The following BTC variants were observed in gnomAD, a reference collection of about 807,000 sequenced individuals.
The protein encoded by BTC is probetacellulin.
A neutral mutation model predicts 18.1 loss-of-function variants in BTC; 13 were observed. The ratio of observed to expected loss-of-function variants is 0.72; its 90% CI spans 0.47 to 1.14. The LOEUF is 1.14. BTC is among the 50% of genes most tolerant of loss of function. BTC has a pLI of 0.00. For synonymous variants in BTC, 83 were observed against 79.4 expected, an observed-to-expected ratio of 1.05 and a Z score of -0.24; for missense variants, 247 against 224.2, an observed-to-expected ratio of 1.10 and a Z score of -0.65.
chr4:74,773,599 G>A lies in BTC; in HGVS notation c.65-3443C>T, dbSNP rs116014965. On this transcript the variant is annotated intron_variant, in intron 1 of 5. Coordinates refer to ENST00000395743, the MANE Select transcript of BTC (RefSeq NM_001729.4). ...ATTAACCTTAAGGAGATCACATTCT[G>A]GTAAGATAGACACAAACTTTTTTTT... Among the ~76,000 whole-genome samples, 1,208 of 149,360 alleles carry A rather than the reference G, an allele frequency of 8.1e-3. 10 individuals carry two copies. Among genetic ancestry groups the A allele is most frequent in the Non-Finnish European group, 0.013 (866 of 67,714 alleles).
At chr4:74,774,675 C>T (rs1331367889) in intron 1 of BTC, among the ~76,000 whole-genome samples, 1 of 150,274 alleles carries the variant, frequency 6.7e-6, no homozygotes, top group Non-Finnish European at 1.5e-5. Context: ...ACTTTTCCTG[C>T]TTGTTTGGAG....
chr4:74,750,973 C>T (rs868907250), intron 3 of BTC, among the ~76,000 whole-genome samples: 1 of 152,010 alleles, frequency 6.6e-6, no homozygotes, highest in Non-Finnish European at 1.5e-5. Context: ...TGACAATTAA[C>T]TAAAATGTAT....
At chr4:74,749,037 T>C (rs1165755853) in intron 4 of BTC, among the ~76,000 whole-genome samples, 3 of 152,212 alleles carry the variant, frequency 2.0e-5, no homozygotes, top group African/African-American at 7.2e-5. Context: ...GACAGATTAT[T>C]TGGTTTAACA....
chr4:74,748,622 T>C (rs908423423), intron 4 of BTC, among the ~76,000 whole-genome samples: 11 of 152,164 alleles, frequency 7.2e-5, no homozygotes, highest in African/African-American at 2.7e-4. Flanking sequence ...GTGGGTAGAA[T>C]ATAGTTATCT....
chr4:74,763,791 T>G (rs1228239877), intron 2 of BTC, among the ~76,000 whole-genome samples: 1 of 152,092 alleles, frequency 6.6e-6, no homozygotes, highest in African/African-American at 2.4e-5. Context: ...TCTAACACTG[T>G]AGGGTAACTA....
intron 2 of BTC, among the ~76,000 whole-genome samples, chr4:74,757,894 C>T (rs1417999328): frequency 1.3e-5 from 2 of 152,120 alleles, no homozygotes; most frequent in Admixed American, 1.3e-4. Context: ...CATTGAAGGT[C>T]TGTTGAGAGG....
intron 1 of BTC, among the ~76,000 whole-genome samples, chr4:74,781,848 C>A (rs1191866309): frequency 6.6e-6 from 1 of 152,078 alleles, no homozygotes; most frequent in Non-Finnish European, 1.5e-5. Context: ...AAACTCTATA[C>A]CCATTAAACA....
intron 1 of BTC, among the ~76,000 whole-genome samples, chr4:74,778,760 A>G (rs1725242584): frequency 6.6e-6 from 1 of 152,152 alleles, no homozygotes; most frequent in Non-Finnish European, 1.5e-5. Context: ...GCCCTGGGAC[A>G]TGGTGTTTTA....
chr4:74,792,950 T>A (rs1725673362), intron 1 of BTC, among the ~76,000 whole-genome samples: 2 of 152,240 alleles, frequency 1.3e-5, no homozygotes. Flanking sequence ...AGGAATCTCA[T>A]GAGCCCTTTC....
chr4:74,777,038 T>A (rs1367558378), intron 1 of BTC, among the ~76,000 whole-genome samples: 1 of 152,156 alleles, frequency 6.6e-6, no homozygotes, highest in African/African-American at 2.4e-5. Flanking sequence ...ATTAGAAGAA[T>A]ATTTCATTGT....
intron 1 of BTC, among the ~76,000 whole-genome samples, chr4:74,790,487 G>A (rs549974882): frequency 4.6e-5 from 7 of 152,238 alleles, no homozygotes; most frequent in African/African-American, 1.7e-4. Context: ...GAGTTTACAG[G>A]CTTGACCACT....
At chr4:74,773,438 A>G (rs893615015) in intron 1 of BTC, among the ~76,000 whole-genome samples, 4 of 152,100 alleles carry the variant, frequency 2.6e-5, no homozygotes, top group Admixed American at 6.5e-5. Flanking sequence ...ACTATCTACT[A>G]AACAATAAAG....
chr4:74,783,853 T>C (rs1725404257), intron 1 of BTC, among the ~76,000 whole-genome samples: 1 of 152,136 alleles, frequency 6.6e-6, no homozygotes, highest in African/African-American at 2.4e-5. Flanking sequence ...GCTATATTTC[T>C]AGGTATTTTA....
intron 1 of BTC, among the ~76,000 whole-genome samples, chr4:74,792,800 G>A (rs1725668579): frequency 6.6e-6 from 1 of 152,112 alleles, no homozygotes; most frequent in Non-Finnish European, 1.5e-5. Flanking sequence ...CCTCCATTCA[G>A]CCTTTCCCCA....
chr4:74,789,021 A>G (rs939366836), intron 1 of BTC, among the ~76,000 whole-genome samples: 1 of 152,238 alleles, frequency 6.6e-6, no homozygotes, highest in South Asian at 2.1e-4. Context: ...AAAAGTTCAC[A>G]TCAAGATCTC....
chr4:74,755,156 C>G (rs1724565938), intron 3 of BTC, among the ~76,000 whole-genome samples: 1 of 152,056 alleles, frequency 6.6e-6, no homozygotes, highest in Non-Finnish European at 1.5e-5. Context: ...AACTTATATA[C>G]TGGGGCAACT....
chr4:74,783,999 G>A (rs1038024086), intron 1 of BTC, among the ~76,000 whole-genome samples: 6 of 152,046 alleles, frequency 3.9e-5, no homozygotes, highest in East Asian at 1.9e-4. Flanking sequence ...TTGGGAGGCC[G>A]AGGCAGATGG....
chr4:74,765,694 TTG>T (rs1404835256), intron 2 of BTC, among the ~76,000 whole-genome samples: 4 of 152,082 alleles, frequency 2.6e-5, no homozygotes, highest in African/African-American at 9.7e-5. Flanking sequence ...TACAATCAAA[TTG>T]TCAAAAGTTC....
chr4:74,760,203 C>T (rs1724712538), intron 2 of BTC, among the ~76,000 whole-genome samples: 1 of 152,098 alleles, frequency 6.6e-6, no homozygotes, highest in Admixed American at 6.5e-5. Context: ...ATGGTTATAG[C>T]CTTATAGTAT....
Sources: allele counts gnomAD v4.1 joint callset (sites outside exome capture counted in the v4.1 genomes callset), GRCh38; gene constraint gnomAD v4.1.1; transcripts MANE v1.5; gene names NCBI Gene and HGNC (gene_info 2026-07-23, HGNC 2026-07-21).